NRXN1: variants seen among roughly 807,000 people sequenced by gnomAD.
The protein encoded by NRXN1 is neurexin-1.
NRXN1 carries 39 observed loss-of-function variants against 150.9 expected under a neutral mutation model. The ratio of observed to expected loss-of-function variants is 0.26; its 90% confidence interval spans 0.20 to 0.34. The LOEUF is 0.34. Ranked by LOEUF, NRXN1 falls within the 10% of genes least tolerant of loss-of-function variation. NRXN1 has a pLI of 1.00. For missense variants in NRXN1, 1,815 were observed against 1,949.9 expected (o/e 0.93, Z 1.30); for synonymous variants, 924 against 757.0 (o/e 1.22, Z -3.62).
intron 17 of NRXN1, among the ~76,000 whole-genome samples, chr2:50,322,529 G>C (rs1398698827): frequency 6.6e-6 from 1 of 152,116 alleles, no homozygotes; most frequent in African/African-American, 2.4e-5. Flanking sequence ...AACTGTTTTA[G>C]AATGATGCTA....
At chr2:50,703,908 A>G (rs1434853709) in intron 5 of NRXN1, among the ~76,000 whole-genome samples, 1 of 152,148 alleles carries the variant, frequency 6.6e-6, no homozygotes, top group Non-Finnish European at 1.5e-5. Flanking sequence ...TAAAGGCAAG[A>G]TTCATATCCA....
chr2:50,488,378 T>G (rs1042842496), intron 15 of NRXN1, among the ~76,000 whole-genome samples: 3 of 152,160 alleles, frequency 2.0e-5, no homozygotes, highest in Admixed American at 1.3e-4. Flanking sequence ...GTGTTTGAGT[T>G]GATCAGGGGT....
Position 49,922,267 on chromosome 2 carries a change from T to A in NRXN1, c.4217-16A>T. 1.2e-6 allele frequency: 2 copies of A among 1,607,878 alleles called. No individual in the cohort carries two copies. The highest frequency in any genetic ancestry group is 1.7e-6 in the Non-Finnish European group (2 of 1,176,326). On this transcript the variant is annotated splice_polypyrimidine_tract_variant and intron_variant, in intron 22 of 22. Transcript: ENST00000401669. ...GTTGGGTTGGCTATAGAAAAGAGGA[T>A]GAGAACAAACACAAAGTGATCATTG...
chr2:50,233,324 C>T (rs1215517874), intron 18 of NRXN1, among the ~76,000 whole-genome samples: 1 of 151,938 alleles, frequency 6.6e-6, no homozygotes, highest in Non-Finnish European at 1.5e-5. Context: ...ATCCATCTAT[C>T]AAAACTGGGC....
chr2:51,017,503 CTTTTT>C (rs70958638), intron 2 of NRXN1, among the ~76,000 whole-genome samples: 645 of 43,922 alleles, frequency 0.015, 6 homozygotes, highest in Middle Eastern at 0.029. Context: ...CCACATCTGG[CTTTTT>C]TTTTTTTTTT....
intron 18 of NRXN1, among the ~76,000 whole-genome samples, chr2:50,143,310 C>T (rs986543021): frequency 2.6e-5 from 4 of 151,796 alleles, no homozygotes; most frequent in African/African-American, 7.3e-5. Flanking sequence ...TTAATGGGTA[C>T]AGCTCGAAAA....
intron 5 of NRXN1, among the ~76,000 whole-genome samples, chr2:50,699,869 T>A (rs577157151): frequency 6.6e-6 from 1 of 152,200 alleles, no homozygotes; most frequent in East Asian, 1.9e-4. Flanking sequence ...AGGAAAGTAA[T>A]AAAGCACTCA....
chr2:49,999,466 T>G (rs1226305036), intron 21 of NRXN1, among the ~76,000 whole-genome samples: 2 of 152,144 alleles, frequency 1.3e-5, no homozygotes, highest in East Asian at 3.9e-4. Flanking sequence ...GTCTTACATA[T>G]CTGTATTTTT....
intron 5 of NRXN1, among the ~76,000 whole-genome samples, chr2:50,661,073 G>A (rs181337131): frequency 1.1e-5 from 1 of 87,650 alleles, no homozygotes; most frequent in Admixed American, 1.3e-4. Context: ...AGTGGTTAGT[G>A]TTCATTCTTG....
At chr2:50,437,112 C>G (rs921406068) in intron 17 of NRXN1, among the ~76,000 whole-genome samples, 1 of 152,102 alleles carries the variant, frequency 6.6e-6, no homozygotes, top group Admixed American at 6.5e-5. Context: ...CAAGCTCATA[C>G]GTGAATATAA....
chr2:50,493,364 C>CA (rs1206816719), intron 15 of NRXN1, among the ~76,000 whole-genome samples: 2 of 152,104 alleles, frequency 1.3e-5, no homozygotes, highest in Non-Finnish European at 2.9e-5. Context: ...ATTACTGCTG[C>CA]AAAAAAGCCT....
intron 17 of NRXN1, among the ~76,000 whole-genome samples, chr2:50,273,102 G>C (rs2069925106): frequency 6.6e-6 from 1 of 152,008 alleles, no homozygotes; most frequent in Non-Finnish European, 1.5e-5. Context: ...CAATGAAAAC[G>C]ACATTGAGGT....
Position 50,552,628 on chromosome 2 carries a change from C to T in NRXN1, c.1718G>A (p.Gly573Glu). Residue 573 changes from glycine to glutamate, a missense_variant, in exon 9 of 23, where the codon GGA (glycine) becomes GAA (glutamate). Transcript: ENST00000401669. ...CTGGAAGTCCACATGATACCATTCT[C>T]CATCATTCACTTTCTTCAACAGGGC... ...IKALLKKVND[G>E]EWYHVDFQRD... 6.2e-7 allele frequency: 1 copy of T among 1,613,880 alleles called. No homozygotes were observed. Among genetic ancestry groups the T allele is most frequent in the Non-Finnish European group, 8.5e-7 (1 of 1,179,776 alleles).
intron 5 of NRXN1, among the ~76,000 whole-genome samples, chr2:50,670,134 T>C (rs1354492702): frequency 6.6e-6 from 1 of 151,900 alleles, no homozygotes; most frequent in Admixed American, 6.6e-5. Flanking sequence ...TTAAGAGCGT[T>C]GCACTATGTA....
At chr2:50,502,739 G>A (rs1488093528) in intron 13 of NRXN1, among the ~76,000 whole-genome samples, 2 of 152,148 alleles carry the variant, frequency 1.3e-5, no homozygotes, top group African/African-American at 4.8e-5. Flanking sequence ...TATAAAATGT[G>A]CATTATGTGT....
At chr2:50,075,797 G>GAAA (rs11410198) in intron 19 of NRXN1, among the ~76,000 whole-genome samples, 4 of 149,648 alleles carry the variant, frequency 2.7e-5, no homozygotes, top group African/African-American at 9.8e-5. Context: ...GGTGACAAAG[G>GAAA]AAAAAAAAAA....
At chr2:50,100,682 A>T (rs186447123) in intron 18 of NRXN1, among the ~76,000 whole-genome samples, 1 of 152,062 alleles carries the variant, frequency 6.6e-6, no homozygotes, top group East Asian at 1.9e-4. Flanking sequence ...ACGTTTGCAG[A>T]TATCACGATA....
chr2:50,241,985 A>T (rs2066043157), intron 17 of NRXN1, among the ~76,000 whole-genome samples: 1 of 151,844 alleles, frequency 6.6e-6, no homozygotes, highest in African/African-American at 2.4e-5. Context: ...TTCGGAGTAG[A>T]TTAGCTTCTA....
chr2:50,287,064 A>G (rs1016251921), intron 17 of NRXN1, among the ~76,000 whole-genome samples: 4 of 152,106 alleles, frequency 2.6e-5, no homozygotes, highest in African/African-American at 9.7e-5. Context: ...ATCAATAAGT[A>G]CAGGCTTGCA....
Sources: gnomAD v4.1 joint callset for allele counts (sites outside exome capture counted in the v4.1 genomes callset) on GRCh38, gnomAD v4.1.1 for gene constraint, MANE v1.5 for transcripts, NCBI Gene and HGNC (gene_info 2026-07-23, HGNC 2026-07-21) for gene names.